DAB2IP: variants seen among roughly 807,000 people sequenced by gnomAD.
DAB2IP encodes disabled homolog 2-interacting protein.
DAB2IP carries 28 observed loss-of-function variants against 107.2 expected under a neutral mutation model. The observed-to-expected ratio is 0.26, with a 90% CI of 0.19 to 0.36. DAB2IP has a LOEUF of 0.36. Among genes scored for constraint, DAB2IP ranks in the 10% least tolerant of loss-of-function variants. The probability of loss-of-function intolerance (pLI) is 1.00; values close to 1 mark genes in which losing one functional copy is unlikely to be tolerated. For synonymous variants in DAB2IP, 755 were observed against 706.4 expected (o/e 1.07, Z -1.09); for missense variants, 1,400 against 1,644.7 (o/e 0.85, Z 2.57).
chr9:121,677,129 C>G (rs928358158), intron 1 of DAB2IP, among the ~76,000 whole-genome samples: 1 of 152,202 alleles, frequency 6.6e-6, no homozygotes, highest in Non-Finnish European at 1.5e-5. Flanking sequence ...TGGCTGCTTT[C>G]CTAGATTCTG....
intron 3 of DAB2IP, among the ~76,000 whole-genome samples, chr9:121,746,000 G>T (rs1034982467): frequency 6.6e-5 from 10 of 152,186 alleles, no homozygotes; most frequent in Admixed American, 3.9e-4. Flanking sequence ...GTACTCTGGA[G>T]CCTGCTCTTG....
At chr9:121,709,311 G>A (rs1830216692) in intron 3 of DAB2IP, among the ~76,000 whole-genome samples, 1 of 152,138 alleles carries the variant, frequency 6.6e-6, no homozygotes, top group Non-Finnish European at 1.5e-5. Flanking sequence ...GGACGGAGAT[G>A]CCTTTCATCC....
At position 121,782,704 on chromosome 9, in the gene DAB2IP, C is replaced by T; in HGVS notation, c.*206C>T. The T allele has an allele frequency of 7.1e-7, 1 of 1,416,942 alleles. No homozygotes were observed. Among genetic ancestry groups the T allele is most frequent in the Non-Finnish European group, 9.2e-7 (1 of 1,088,120 alleles). 87.8% of individuals were successfully genotyped at this position (1,416,942 alleles called of 1,614,324 possible). ...GCGTGAGGCGAGGTCACCAGCCGCTCCCTGTGGGGTGCGGGCAGAAGAGAC... is the reference window on the plus strand; with the variant it reads ...GCGTGAGGCGAGGTCACCAGCCGCTTCCTGTGGGGTGCGGGCAGAAGAGAC... On this transcript the variant is annotated 3_prime_UTR_variant, in exon 16 of 16. Coordinates refer to ENST00000408936, the Ensembl canonical transcript of DAB2IP. This position sits in a 1 kb window ranked among gnomAD's most constrained non-coding sequence, Gnocchi z 6.1.
At position 121,759,140 on chromosome 9, in the gene DAB2IP, G is replaced by C. The variant is rs558424782; in HGVS notation, c.615+144G>C. ...AGGCAGGGCCCGAGTGGACAATATTGGTGGACTCTGAAAGAGACGTTTGAG... is the reference window on the plus strand; with the variant it reads ...AGGCAGGGCCCGAGTGGACAATATTCGTGGACTCTGAAAGAGACGTTTGAG... On this transcript the variant is annotated intron_variant, in intron 5 of 15. Transcript: ENST00000408936. 1.7e-4 allele frequency: 132 copies of C among 760,324 alleles called. No individual in the cohort carries two copies. The African/African-American group carries it at 2.1e-3, about 12-fold the overall frequency. The allele number at this position is 760,324 out of a possible 1,614,324, so 47.1% of individuals were successfully genotyped here.
Position 121,782,170 on chromosome 9 carries a change from G to A in DAB2IP, c.3403-161G>A, listed in dbSNP as rs185689968. 1.9e-4 allele frequency among the ~76,000 whole-genome samples: 29 copies of A among 152,264 alleles called. No homozygotes were observed. The highest frequency in any genetic ancestry group is 7.0e-4 in the African/African-American group (29 of 41,552). On this transcript the variant is annotated intron_variant, in intron 15 of 15. Coordinates refer to ENST00000408936, the Ensembl canonical transcript of DAB2IP. This position sits in a 1 kb window ranked among gnomAD's most constrained non-coding sequence, Gnocchi z 6.1. ...GCAGCGAGGCTGTGTCCATGATGCT[G>A]CAGAGGCCTCTGCCTACCTTCTCTT...
chr9:121,567,607 C>T lies in DAB2IP; in HGVS notation c.40+379C>T, dbSNP rs575250030. On this transcript the variant is annotated intron_variant, in intron 1 of 16. Transcript: ENST00000259371. ...GGGGAATTCAATTAGTGCGATCCTGCGGATAAATATAGATGGAAGAGGCAA... is the reference window on the plus strand; with the variant it reads ...GGGGAATTCAATTAGTGCGATCCTGTGGATAAATATAGATGGAAGAGGCAA... Among the ~76,000 whole-genome samples, 94 of 152,280 alleles carry T rather than the reference C, an allele frequency of 6.2e-4. 1 individual carries two copies. Among genetic ancestry groups the T allele is most frequent in the Non-Finnish European group, 1.1e-3 (76 of 68,016 alleles).
chr9:121,650,251 C>G (rs1320618592), upstream of DAB2IP, among the ~76,000 whole-genome samples: 11 of 152,198 alleles, frequency 7.2e-5, no homozygotes, highest in Admixed American at 6.5e-5. Flanking sequence ...CTGGACTCCT[C>G]AGACTGAGTT....
At chr9:121,743,776 C>T (rs921713596) in intron 3 of DAB2IP, among the ~76,000 whole-genome samples, 1 of 152,166 alleles carries the variant, frequency 6.6e-6, no homozygotes, top group African/African-American at 2.4e-5. Context: ...GGAGGCAGCC[C>T]CAGAGCCCAG....
At chr9:121,710,479 C>A (rs1394147174) in intron 3 of DAB2IP, among the ~76,000 whole-genome samples, 1 of 152,138 alleles carries the variant, frequency 6.6e-6, no homozygotes, top group Non-Finnish European at 1.5e-5. Context: ...TATTCTCAAG[C>A]GTCTTTTTCT....
exon 16 of DAB2IP, chr9:121,784,016 CCTGAAGGGTGGATGTG>C (rs1228285598): frequency 4.9e-6 from 1 of 203,872 alleles, no homozygotes; most frequent in African/African-American, 2.3e-5. Context: ...AGAGGCCCCA[CCTGAAGGGTGGATGTG>C]CTGGAGGGGT....
intron 3 of DAB2IP, among the ~76,000 whole-genome samples, chr9:121,718,105 C>T (rs1285861747): frequency 6.6e-6 from 1 of 152,130 alleles, no homozygotes; most frequent in Non-Finnish European, 1.5e-5. Flanking sequence ...CAGGAGAGAG[C>T]GACCCATCCT....
chr9:121,719,916 C>T (rs1830827296), intron 3 of DAB2IP, among the ~76,000 whole-genome samples: 1 of 152,178 alleles, frequency 6.6e-6, no homozygotes, highest in South Asian at 2.1e-4. Flanking sequence ...TAGTCTACTC[C>T]CCAAGCAGGT....
Position 121,678,795 on chromosome 9 carries a change from C to G in DAB2IP, c.228+14C>G. 1 of 1,554,160 alleles carries G rather than the reference C, an allele frequency of 6.4e-7. No homozygotes were observed. The highest frequency in any genetic ancestry group is 8.7e-7 in the Non-Finnish European group (1 of 1,144,972). On this transcript the variant is annotated intron_variant, in intron 2 of 15. Coordinates refer to ENST00000408936, the Ensembl canonical transcript of DAB2IP. ...TTCCGGGTCACGGTAACTATCTCTG[C>G]GTCACCAACACCGCCACTGCCACCA...
chr9:121,626,410 T>C (rs1192458942), intron 1 of DAB2IP, among the ~76,000 whole-genome samples: 1 of 144,442 alleles, frequency 6.9e-6, no homozygotes. Flanking sequence ...TAGACCAAAC[T>C]TCAGACGAGA....
chr9:121,699,466 C>G lies in DAB2IP; in HGVS notation c.362+8C>G, dbSNP rs1486884050. On this transcript the variant is annotated splice_region_variant and intron_variant, in intron 3 of 15. Coordinates refer to ENST00000408936, the Ensembl canonical transcript of DAB2IP. The surrounding 1 kb of genome is among the most constrained non-coding windows in gnomAD (Gnocchi z 6.2). ...CGCCGCGGACAATGAGAGGTGAGCC[C>G]GCCGCCGCCGCCCGGTCCCCCGCGC... 1 of 1,309,846 alleles carries G rather than the reference C, an allele frequency of 7.6e-7. No homozygotes were observed. 81.1% of individuals were successfully genotyped at this position (1,309,846 alleles called of 1,614,324 possible).
intron 1 of DAB2IP, among the ~76,000 whole-genome samples, chr9:121,643,029 G>A (rs913431070): frequency 6.6e-6 from 1 of 151,944 alleles, no homozygotes; most frequent in East Asian, 1.9e-4. Flanking sequence ...GTGGGACCAC[G>A]TTTGGCACAT....
rs1835223075 is a variant in DAB2IP, at chr9:121,776,689, C to T, written c.3314+298C>T. On this transcript the variant is annotated intron_variant, in intron 14 of 15. Transcript: ENST00000408936. The surrounding 1 kb of genome is among the most constrained non-coding windows in gnomAD (Gnocchi z 5.4). ...GCCATACCATCTTAGTAAGCACTCTCAGGGGCGCTGAGAAGCTGGATTGGG... is the reference window on the plus strand; with the variant it reads ...GCCATACCATCTTAGTAAGCACTCTTAGGGGCGCTGAGAAGCTGGATTGGG... 6.6e-6 allele frequency among the ~76,000 whole-genome samples: 1 copy of T among 152,158 alleles called. No individual in the cohort carries two copies. The highest frequency in any genetic ancestry group is 2.4e-5 in the African/African-American group (1 of 41,434).
chr9:121,627,920 T>C (rs1271315023), intron 1 of DAB2IP, among the ~76,000 whole-genome samples: 1 of 152,204 alleles, frequency 6.6e-6, no homozygotes, highest in Non-Finnish European at 1.5e-5. Flanking sequence ...CTTTCTGCAG[T>C]GTGAGATTGA....
At chr9:121,639,552 G>A (rs1051158594) in intron 1 of DAB2IP, among the ~76,000 whole-genome samples, 3 of 152,168 alleles carry the variant, frequency 2.0e-5, no homozygotes, top group African/African-American at 7.2e-5. Context: ...GACCTGCTGG[G>A]CCCCAGAATC....
Sources: allele counts gnomAD v4.1 joint callset (sites outside exome capture counted in the v4.1 genomes callset), GRCh38; gene constraint gnomAD v4.1.1; non-coding constraint Gnocchi (gnomAD v3.1); transcripts MANE v1.5; gene names NCBI Gene and HGNC (gene_info 2026-07-23, HGNC 2026-07-21).